The following PLXNA4 variants were observed in gnomAD, a reference collection of about 807,000 sequenced individuals.
PLXNA4 encodes plexin A4.
PLXNA4 carries 44 observed loss-of-function variants against 191.8 expected under a neutral mutation model. That is an observed-to-expected ratio of 0.23 (90% CI 0.18 to 0.29). The LOEUF (loss-of-function observed/expected upper bound fraction) is 0.29. Among genes scored for constraint, PLXNA4 ranks in the 10% least tolerant of loss-of-function variants. The pLI is 1.00. For missense variants in PLXNA4, 1,800 were observed against 2,488.8 expected, an observed-to-expected ratio of 0.72 and a Z score of 5.89; for synonymous variants, 1,082 against 1,009.5, an observed-to-expected ratio of 1.07 and a Z score of -1.36.
In PLXNA4 at chr7:132,634,348, A is replaced by G. The variant is rs554594560; in HGVS notation, c.-87+11580T>C. On this transcript the variant is annotated intron_variant, in intron 2 of 4. Coordinates refer to the PLXNA4 transcript ENST00000378539. ...CATATGTAAGGCTTCAATAAACCCT[A>G]TGTCTCATTCACTGGCTCCAGGTCT... Among the ~76,000 whole-genome samples the G allele has an allele frequency of 1.2e-3, 187 of 152,098 alleles. 1 individual carries two copies. The highest frequency in any genetic ancestry group is 1.7e-3 in the Non-Finnish European group (116 of 67,980).
At chr7:132,643,138 T>C (rs1349354540) in intron 2 of PLXNA4, among the ~76,000 whole-genome samples, 1 of 152,090 alleles carries the variant, frequency 6.6e-6, no homozygotes, top group South Asian at 2.1e-4. Flanking sequence ...GAAGGGCAGC[T>C]CATGTAAGAC....
intron 4 of PLXNA4, among the ~76,000 whole-genome samples, chr7:132,254,347 G>T (rs540135391): frequency 6.6e-6 from 1 of 152,282 alleles, no homozygotes; most frequent in Non-Finnish European, 1.5e-5. Flanking sequence ...GTTTACTGTG[G>T]CCATTTCTAT....
intron 4 of PLXNA4, among the ~76,000 whole-genome samples, chr7:132,258,897 A>AT (rs1306968226): frequency 6.6e-6 from 1 of 152,226 alleles, no homozygotes; most frequent in African/African-American, 2.4e-5. Context: ...GTTACATCCA[A>AT]TTTGAAGAAA....
intron 24 of PLXNA4, among the ~76,000 whole-genome samples, chr7:132,163,598 G>T (rs930596731): frequency 6.6e-6 from 1 of 152,144 alleles, no homozygotes; most frequent in Non-Finnish European, 1.5e-5. Context: ...TCAGGTGAGG[G>T]AGCCTGACCT....
chr7:132,409,084 C>T (rs924746268), intron 3 of PLXNA4, among the ~76,000 whole-genome samples: 2 of 152,188 alleles, frequency 1.3e-5, no homozygotes, highest in African/African-American at 2.4e-5. Flanking sequence ...CTAGAAGATG[C>T]AGCTGTTCTT....
chr7:132,280,420 G>A (rs766677445), intron 4 of PLXNA4, among the ~76,000 whole-genome samples: 15 of 152,222 alleles, frequency 9.9e-5, no homozygotes, highest in Non-Finnish European at 1.9e-4. Flanking sequence ...TACACTGACA[G>A]ATTCATATCC....
intron 3 of PLXNA4, among the ~76,000 whole-genome samples, chr7:132,362,053 A>G (rs1803963319): frequency 6.6e-6 from 1 of 152,166 alleles, no homozygotes; most frequent in South Asian, 2.1e-4. Context: ...ATGTAATAAG[A>G]GAGGGTTTCC....
chr7:132,326,515 C>G (rs1410006136), intron 3 of PLXNA4, among the ~76,000 whole-genome samples: 1 of 152,050 alleles, frequency 6.6e-6, no homozygotes, highest in Non-Finnish European at 1.5e-5. Context: ...CTGCTCATTT[C>G]CCGTCCTTCC....
At chr7:132,247,119 G>A (rs1204628990) in intron 4 of PLXNA4, among the ~76,000 whole-genome samples, 2 of 152,106 alleles carry the variant, frequency 1.3e-5, no homozygotes, top group African/African-American at 4.8e-5. Context: ...GCTTTCCTCT[G>A]GCAATAGGGT....
chr7:132,171,850 T>C (rs1796297249), intron 21 of PLXNA4, among the ~76,000 whole-genome samples: 1 of 152,204 alleles, frequency 6.6e-6, no homozygotes, highest in African/African-American at 2.4e-5. Context: ...TGAGTGTCTA[T>C]GTCATAATGT....
chr7:132,385,428 A>C (rs1805085880), intron 3 of PLXNA4: 1 of 1,292,112 alleles, frequency 7.7e-7, no homozygotes, highest in Non-Finnish European at 1.0e-6. Context: ...AATATGTATT[A>C]CAAAATGTAT....
chr7:132,615,004 T>C (rs1056613718), intron 2 of PLXNA4, among the ~76,000 whole-genome samples: 1 of 152,190 alleles, frequency 6.6e-6, no homozygotes, highest in African/African-American at 2.4e-5. Context: ...CTGTAATAAA[T>C]CTCTCTCCCC....
At chr7:132,627,976 G>A (rs4731886) in intron 2 of PLXNA4, among the ~76,000 whole-genome samples, 6,109 of 152,166 alleles carry the variant, frequency 0.04, 493 homozygotes, top group East Asian at 0.28. Context: ...AAACATTCCC[G>A]GTCTTCAATG....
At chr7:132,187,391 A>G (rs1796914760) in intron 15 of PLXNA4, 80 bp downstream of exon 15, 2 of 1,530,144 alleles carry the variant, frequency 1.3e-6, no homozygotes, top group Non-Finnish European at 1.8e-6. Flanking sequence ...TCTCTGCAAT[A>G]AAAACAAAGC....
intron 2 of PLXNA4, among the ~76,000 whole-genome samples, chr7:132,605,604 T>A (rs1802907860): frequency 6.6e-6 from 1 of 152,090 alleles, no homozygotes; most frequent in African/African-American, 2.4e-5. Flanking sequence ...TTGGTTTGGT[T>A]ATTATTAATA....
chr7:132,329,898 CT>C (rs930681773), intron 3 of PLXNA4, among the ~76,000 whole-genome samples: 24 of 152,114 alleles, frequency 1.6e-4, no homozygotes, highest in African/African-American at 4.8e-4. Flanking sequence ...AGGGAGGATT[CT>C]ACATTAGGCA....
intron 3 of PLXNA4, among the ~76,000 whole-genome samples, chr7:132,358,432 G>T (rs529884281): frequency 6.6e-6 from 1 of 152,324 alleles, no homozygotes; most frequent in African/African-American, 2.4e-5. Context: ...TAGCTAGAGA[G>T]CAGTAGCTCT....
intron 2 of PLXNA4, among the ~76,000 whole-genome samples, chr7:132,494,490 C>G (rs1027642396): frequency 6.6e-6 from 1 of 152,284 alleles, no homozygotes; most frequent in South Asian, 2.1e-4. Flanking sequence ...CAGAACACAG[C>G]ATGTGCCTAG....
chr7:132,459,890 T>C (rs940443616), intron 3 of PLXNA4, among the ~76,000 whole-genome samples: 11 of 152,146 alleles, frequency 7.2e-5, no homozygotes, highest in Non-Finnish European at 1.6e-4. Flanking sequence ...AAATATCTGA[T>C]TTTTTAAATT....
Sources: gnomAD v4.1 joint callset for allele counts (sites outside exome capture counted in the v4.1 genomes callset) on GRCh38, gnomAD v4.1.1 for gene constraint, MANE v1.5 for transcripts, NCBI Gene and HGNC (gene_info 2026-07-23, HGNC 2026-07-21) for gene names.